NUBPL: variants seen among roughly 807,000 people sequenced by gnomAD.
NUBPL encodes iron-sulfur cluster transfer protein NUBPL.
NUBPL carries 31 observed loss-of-function variants against 45.7 expected under a neutral mutation model. The ratio of observed to expected loss-of-function variants is 0.68; its 90% confidence interval spans 0.51 to 0.92. The LOEUF (loss-of-function observed/expected upper bound fraction) is 0.92, where lower values mean the gene tolerates loss of function less well. NUBPL is among the 40% of genes least tolerant of loss of function. NUBPL has a pLI of 0.00. For missense variants in NUBPL, 401 were observed against 398.7 expected (o/e 1.01, Z -0.05); for synonymous variants, 144 against 140.9 (o/e 1.02, Z -0.15).
intron 10 of NUBPL, among the ~76,000 whole-genome samples, chr14:31,852,570 C>G (rs2040553613): frequency 6.6e-6 from 1 of 152,060 alleles, no homozygotes; most frequent in Non-Finnish European, 1.5e-5. Flanking sequence ...ACTTGGGAGG[C>G]TGAGGCAGGA....
chr14:31,752,116 C>T (rs1025554079), intron 6 of NUBPL, among the ~76,000 whole-genome samples: 1 of 152,192 alleles, frequency 6.6e-6, no homozygotes, highest in African/African-American at 2.4e-5. Context: ...TTCTCTGAAA[C>T]GCCCTGGAGA....
chr14:31,623,231 G>T (rs1269831401), intron 4 of NUBPL, among the ~76,000 whole-genome samples: 1 of 152,230 alleles, frequency 6.6e-6, no homozygotes, highest in Non-Finnish European at 1.5e-5. Flanking sequence ...GATCATTTAT[G>T]CAATGCCAGT....
chr14:31,604,389 A>G (rs2034527790), intron 4 of NUBPL, among the ~76,000 whole-genome samples: 1 of 152,184 alleles, frequency 6.6e-6, no homozygotes, highest in Non-Finnish European at 1.5e-5. Flanking sequence ...AATTTATCCT[A>G]TTCTGCTATT....
intron 6 of NUBPL, among the ~76,000 whole-genome samples, chr14:31,739,253 T>TATA (rs60492932): frequency 3.3e-4 from 24 of 73,706 alleles, no homozygotes; most frequent in African/African-American, 6.2e-4. Flanking sequence ...TATATATATA[T>TATA]TTTTTTTTTT....
chr14:31,717,231 C>G (rs1344713747), intron 6 of NUBPL, among the ~76,000 whole-genome samples: 1 of 152,168 alleles, frequency 6.6e-6, no homozygotes, highest in Non-Finnish European at 1.5e-5. Context: ...CTGTCTCTTG[C>G]TTCTGGGCCT....
chr14:31,829,263 CT>C lies in NUBPL; in HGVS notation c.693+2560del, dbSNP rs371804995. On this transcript the variant is annotated intron_variant, in intron 8 of 10. Coordinates refer to ENST00000281081, the MANE Select transcript of NUBPL (RefSeq NM_025152.3). Reference sequence around the variant, plus strand: ...CTTCCTGTATCTTTATTACAGCTCTCTTTTTTTTTTTCCACCCTACATTTAA... The same window carrying C: ...CTTCCTGTATCTTTATTACAGCTCTCTTTTTTTTTTCCACCCTACATTTAA... 4.1e-3 allele frequency among the ~76,000 whole-genome samples: 601 copies of C among 147,180 alleles called. 7 individuals are homozygous for C. The highest frequency in any genetic ancestry group is 0.012 in the African/African-American group (484 of 40,418).
At chr14:31,618,854 G>A (rs903003439) in intron 4 of NUBPL, among the ~76,000 whole-genome samples, 2 of 152,098 alleles carry the variant, frequency 1.3e-5, no homozygotes, top group African/African-American at 4.8e-5. Flanking sequence ...TGAATTTTCT[G>A]TCTCGTAGAT....
At chr14:31,581,470 G>A (rs2033862937) in intron 3 of NUBPL, among the ~76,000 whole-genome samples, 1 of 152,056 alleles carries the variant, frequency 6.6e-6, no homozygotes, top group African/African-American at 2.4e-5. Context: ...CGTATAAGTG[G>A]AGTCATATAA....
chr14:31,822,478 A>G (rs951581934), intron 7 of NUBPL, among the ~76,000 whole-genome samples: 1 of 152,138 alleles, frequency 6.6e-6, no homozygotes, highest in East Asian at 1.9e-4. Flanking sequence ...TACTTATATG[A>G]TATACGAAAC....
At chr14:31,758,541 A>C (rs1048335570) in intron 6 of NUBPL, among the ~76,000 whole-genome samples, 1 of 152,138 alleles carries the variant, frequency 6.6e-6, no homozygotes, top group Non-Finnish European at 1.5e-5. Flanking sequence ...GCTGTTTTTT[A>C]TATCCAGATA....
rs568942317 is a variant in NUBPL at position 31,730,045 on chromosome 14, T to G, written c.513+56471T>G. ...TCCTTTATTCCCAGTTTACAGAGAT[T>G]TAATGATTAGAAAAAGTAAGGTTCT... On this transcript the variant is annotated intron_variant, in intron 6 of 10. Coordinates refer to ENST00000281081, the MANE Select transcript of NUBPL (RefSeq NM_025152.3). Among the ~76,000 whole-genome samples the G allele has an allele frequency of 5.9e-5, 9 of 152,286 alleles. No homozygotes were observed. In the East Asian group the frequency reaches 1.7e-3, roughly 29 times the overall value.
At chr14:31,654,584 AT>A (rs1472461951) in intron 4 of NUBPL, among the ~76,000 whole-genome samples, 7 of 151,434 alleles carry the variant, frequency 4.6e-5, no homozygotes, top group Non-Finnish European at 1.0e-4. Flanking sequence ...AATTTTTTCT[AT>A]TTTTTAGTAG....
intron 6 of NUBPL, among the ~76,000 whole-genome samples, chr14:31,746,362 T>C (rs1415258197): frequency 6.6e-6 from 1 of 152,030 alleles, no homozygotes; most frequent in African/African-American, 2.4e-5. Flanking sequence ...AGATACATAC[T>C]TTCTGTACCT....
At chr14:31,843,429 A>G (rs1566594498) in intron 8 of NUBPL, among the ~76,000 whole-genome samples, 1 of 152,264 alleles carries the variant, frequency 6.6e-6, no homozygotes, top group Admixed American at 6.5e-5. Context: ...ACACACAAAG[A>G]CAAGTCTATT....
intron 3 of NUBPL, among the ~76,000 whole-genome samples, chr14:31,592,088 T>C (rs2034157161): frequency 1.3e-5 from 2 of 152,206 alleles, no homozygotes; most frequent in African/African-American, 2.4e-5. Context: ...ATTGAAAACA[T>C]GACACTTGAG....
chr14:31,828,378 G>A (rs532701932), intron 8 of NUBPL, among the ~76,000 whole-genome samples: 1 of 152,292 alleles, frequency 6.6e-6, no homozygotes, highest in East Asian at 1.9e-4. Flanking sequence ...ATTGACTTAA[G>A]TAATCTATAA....
At chr14:31,747,276 C>G (rs917120900) in intron 6 of NUBPL, among the ~76,000 whole-genome samples, 6 of 151,524 alleles carry the variant, frequency 4.0e-5, no homozygotes. Flanking sequence ...GCTGTGACTA[C>G]AGGCGCCTGC....
chr14:31,809,045 C>T (rs943657017), intron 7 of NUBPL, among the ~76,000 whole-genome samples: 8 of 151,672 alleles, frequency 5.3e-5, no homozygotes, highest in Non-Finnish European at 7.4e-5. Context: ...ATTTTTGCAT[C>T]GATGTTCATC....
intron 6 of NUBPL, among the ~76,000 whole-genome samples, chr14:31,696,233 T>C (rs532782074): frequency 6.6e-6 from 1 of 152,342 alleles, no homozygotes; most frequent in South Asian, 2.1e-4. Context: ...TATTCTGCTC[T>C]ATATTATTGA....
Sources: gnomAD v4.1 joint callset for allele counts (sites outside exome capture counted in the v4.1 genomes callset) on GRCh38, gnomAD v4.1.1 for gene constraint, MANE v1.5 for transcripts, NCBI Gene and HGNC (gene_info 2026-07-23, HGNC 2026-07-21) for gene names.